GUCY2F: variants seen among roughly 807,000 people sequenced by gnomAD.
The protein encoded by GUCY2F is guanylate cyclase 2F, retinal.
A neutral mutation model predicts 73.1 loss-of-function variants in GUCY2F; 61 were observed. The observed-to-expected ratio is 0.83, with a 90% CI of 0.68 to 1.03. The LOEUF is 1.03. Among genes scored for constraint, GUCY2F ranks in the 50% least tolerant of loss-of-function variants. GUCY2F has a pLI of 0.00. For synonymous variants in GUCY2F, 331 were observed against 307.8 expected (o/e 1.08, Z -0.79); for missense variants, 912 against 854.3 (o/e 1.07, Z -0.84).
In GUCY2F at chrX:109,398,587, C is replaced by T. The variant is rs1477248854; in HGVS notation, c.2237G>A (p.Arg746Gln). 21 of 1,207,277 alleles carry T rather than the reference C, an allele frequency of 1.7e-5. No individual in the cohort carries two copies. Among genetic ancestry groups the T allele is most frequent in the Middle Eastern group, 2.3e-4 (1 of 4,351 alleles). ...ATCCATCATGCAGAATGGGGTACCCCGGACCATCACTTCTTGCATGATGAT... is the reference window on the plus strand; with the variant it reads ...ATCCATCATGCAGAATGGGGTACCCTGGACCATCACTTCTTGCATGATGAT... ...FAIIMQEVMVRGTPFCMMDLP... is the reference protein window; with the variant it reads ...FAIIMQEVMVQGTPFCMMDLP... The change falls in exon 11 of 20, where the codon CGG becomes CAG. Residue 746 changes from arginine to glutamine, a missense_variant. Physicochemically the swap from Arg to Gln is conservative, Grantham distance 43. Transcript: ENST00000218006.
intron 12 of GUCY2F, among the ~76,000 whole-genome samples, chrX:109,395,089 T>A (rs1352147166): frequency 9.0e-6 from 1 of 111,730 alleles, no homozygotes; most frequent in East Asian, 2.8e-4. Context: ...GGTCAGATTG[T>A]GGATGGTCTG....
intron 19 of GUCY2F, among the ~76,000 whole-genome samples, chrX:109,374,666 G>T (rs1474258460): frequency 9.1e-6 from 1 of 110,462 alleles, no homozygotes; most frequent in African/African-American, 3.3e-5. Context: ...TATGTGTCTG[G>T]ATCTGTGTGT....
At chrX:109,467,300 T>G (rs995018820) in intron 2 of GUCY2F, among the ~76,000 whole-genome samples, 1 of 111,990 alleles carries the variant, frequency 8.9e-6, no homozygotes. Context: ...ATAGGTCCAT[T>G]GAGGCGGGGA....
chrX:109,401,612 C>G (rs929787063), intron 10 of GUCY2F, among the ~76,000 whole-genome samples: 1 of 111,707 alleles, frequency 9.0e-6, no homozygotes, highest in Admixed American at 9.5e-5. Context: ...AACCTGTTTC[C>G]TGCCCCCACA....
intron 7 of GUCY2F, among the ~76,000 whole-genome samples, chrX:109,440,956 A>G (rs1569368565): frequency 8.9e-6 from 1 of 112,237 alleles, no homozygotes; most frequent in East Asian, 2.8e-4. Context: ...CTAGAATTTG[A>G]AGAGAAGGGT....
chrX:109,425,336 TGTG>T (rs1931459203), intron 8 of GUCY2F, among the ~76,000 whole-genome samples: 1 of 73,229 alleles, frequency 1.4e-5, no homozygotes, highest in South Asian at 5.2e-4. Context: ...AAGAAATTGT[TGTG>T]TGTGTGTGTG....
intron 8 of GUCY2F, among the ~76,000 whole-genome samples, chrX:109,429,107 A>C (rs183652009): frequency 8.9e-6 from 1 of 111,964 alleles, no homozygotes; most frequent in African/African-American, 3.2e-5. Flanking sequence ...CATTACAATC[A>C]CGTGTAAGAA....
At chrX:109,382,518 T>C (rs933696615) in intron 16 of GUCY2F, among the ~76,000 whole-genome samples, 2 of 112,399 alleles carry the variant, frequency 1.8e-5, no homozygotes, top group African/African-American at 6.5e-5. Flanking sequence ...TCTACTGTGC[T>C]CTCAGCTGAA....
chrX:109,469,268 G>T (rs748770226), intron 2 of GUCY2F, among the ~76,000 whole-genome samples: 7 of 110,969 alleles, frequency 6.3e-5, no homozygotes, highest in South Asian at 3.9e-4. Flanking sequence ...TGAAACTCCG[G>T]GAGAAGCCAA....
chrX:109,456,537 A>G (rs748771752), intron 3 of GUCY2F, among the ~76,000 whole-genome samples: 1 of 111,352 alleles, frequency 9.0e-6, no homozygotes, highest in Non-Finnish European at 1.9e-5. Context: ...TCAGCTGGCC[A>G]GGCTGTGCTG....
chrX:109,422,737 G>A (rs139234981), intron 8 of GUCY2F, among the ~76,000 whole-genome samples: 21 of 111,429 alleles, frequency 1.9e-4, no homozygotes, highest in Non-Finnish European at 3.0e-4. Flanking sequence ...TTCTTTAACC[G>A]AGAAATTCCC....
intron 3 of GUCY2F, among the ~76,000 whole-genome samples, chrX:109,455,769 A>G (rs1458919801): frequency 1.8e-5 from 2 of 111,389 alleles, no homozygotes; most frequent in Non-Finnish European, 3.8e-5. Context: ...TCTATGCCAT[A>G]ACTCTCAGAT....
chrX:109,465,792 A>G (rs1424178823), intron 2 of GUCY2F, among the ~76,000 whole-genome samples: 1 of 112,278 alleles, frequency 8.9e-6, no homozygotes, highest in Non-Finnish European at 1.9e-5. Flanking sequence ...CCTTTTTTAA[A>G]TTACTTAACC....
chrX:109,456,327 A>T (rs1240531730), intron 3 of GUCY2F, among the ~76,000 whole-genome samples: 1 of 111,904 alleles, frequency 8.9e-6, no homozygotes, highest in Non-Finnish European at 1.9e-5. Flanking sequence ...TATAAAATCA[A>T]TACTAGTAAA....
chrX:109,375,617 G>A (rs899405984), intron 19 of GUCY2F, among the ~76,000 whole-genome samples: 1 of 112,204 alleles, frequency 8.9e-6, no homozygotes, highest in Non-Finnish European at 1.9e-5. Context: ...CCTGATAATT[G>A]GATAGCAAGG....
At chrX:109,388,378 C>A in intron 15 of GUCY2F, 111 bp downstream of exon 15, 1 of 610,393 alleles carries the variant, frequency 1.6e-6, no homozygotes, top group Non-Finnish European at 2.6e-6. Context: ...AGCCCGGACA[C>A]CTGGATAATC....
intron 19 of GUCY2F, among the ~76,000 whole-genome samples, chrX:109,374,622 CAGAGAGAGAG>C (rs767937406): frequency 1.9e-4 from 20 of 106,176 alleles, no homozygotes; most frequent in Admixed American, 2.0e-4. Context: ...CACTTTCCTA[CAGAGAGAGAG>C]AGAGAGAGAG....
intron 14 of GUCY2F, among the ~76,000 whole-genome samples, chrX:109,391,543 C>T (rs1395426319): frequency 1.8e-5 from 2 of 111,855 alleles, no homozygotes; most frequent in Non-Finnish European, 3.8e-5. Flanking sequence ...AACACCAATA[C>T]TTCCTCTTTA....
intron 9 of GUCY2F, among the ~76,000 whole-genome samples, chrX:109,407,889 C>A (rs1322950080): frequency 1.8e-5 from 2 of 113,097 alleles, no homozygotes; most frequent in African/African-American, 6.4e-5. Flanking sequence ...AAGTTTGCTG[C>A]AGGAGCAGGA....
Sources: allele counts gnomAD v4.1 joint callset (sites outside exome capture counted in the v4.1 genomes callset), GRCh38; gene constraint gnomAD v4.1.1; transcripts MANE v1.5; gene names NCBI Gene and HGNC (gene_info 2026-07-23, HGNC 2026-07-21).